Variants in MALRD1 observed in about 807,000 individuals in gnomAD.
MALRD1 encodes MAM and LDL-receptor class A domain-containing protein 1.
MALRD1 carries 247 observed loss-of-function variants against 242.1 expected under a neutral mutation model. That is an observed-to-expected ratio of 1.02 (90% confidence interval 0.92 to 1.13). MALRD1 has a LOEUF of 1.13. MALRD1 is among the 50% of genes most tolerant of loss of function. The pLI, the probability that MALRD1 is intolerant of heterozygous loss-of-function variation, is 0.00. For synonymous variants in MALRD1, 995 were observed against 866.6 expected, an observed-to-expected ratio of 1.15 and a Z score of -2.60; for missense variants, 2,989 against 2,533.1, an observed-to-expected ratio of 1.18 and a Z score of -3.86.
intron 36 of MALRD1, among the ~76,000 whole-genome samples, chr10:19,683,321 G>A (rs925728153): frequency 3.3e-5 from 5 of 152,140 alleles, no homozygotes; most frequent in South Asian, 4.1e-4. Flanking sequence ...TAAGGTCAGC[G>A]GGGAAAAGCC....
intron 9 of MALRD1, among the ~76,000 whole-genome samples, chr10:19,135,249 G>A (rs1374235561): frequency 3.3e-5 from 5 of 152,006 alleles, no homozygotes; most frequent in Non-Finnish European, 7.4e-5. Context: ...CCACCTCCTG[G>A]GCTCAAGCAA....
At chr10:19,671,164 G>A (rs1432509309) in intron 36 of MALRD1, among the ~76,000 whole-genome samples, 3 of 152,102 alleles carry the variant, frequency 2.0e-5, no homozygotes, top group Non-Finnish European at 4.4e-5. Flanking sequence ...ACTGTGGAAT[G>A]TACAATATGA....
chr10:19,643,395 G>A (rs1004256029), intron 36 of MALRD1, among the ~76,000 whole-genome samples: 2 of 152,126 alleles, frequency 1.3e-5, no homozygotes, highest in Admixed American at 6.5e-5. Flanking sequence ...TCAGTGAGCC[G>A]AGACTGTGCC....
chr10:19,059,494 C>T (rs539850216), intron 1 of MALRD1, among the ~76,000 whole-genome samples: 1 of 152,196 alleles, frequency 6.6e-6, no homozygotes, highest in South Asian at 2.1e-4. Flanking sequence ...TCAAGCGATT[C>T]TCCTGCCTCA....
At chr10:19,180,654 G>C (rs72790801) in intron 14 of MALRD1, among the ~76,000 whole-genome samples, 6 of 152,274 alleles carry the variant, frequency 3.9e-5, no homozygotes, top group African/African-American at 7.2e-5. Flanking sequence ...CTTGACATTA[G>C]AGTTGGCAAT....
At chr10:19,244,523 G>A (rs1435251547) in intron 18 of MALRD1, among the ~76,000 whole-genome samples, 9 of 151,800 alleles carry the variant, frequency 5.9e-5, no homozygotes, top group Admixed American at 1.3e-4. Flanking sequence ...CCATGATCAC[G>A]CCCTGCTCTT....
At chr10:19,281,586 G>T (rs569499043) in intron 20 of MALRD1, among the ~76,000 whole-genome samples, 4 of 152,202 alleles carry the variant, frequency 2.6e-5, no homozygotes, top group Non-Finnish European at 4.4e-5. Flanking sequence ...CTGAGATATT[G>T]TCTCTTCCAC....
chr10:19,241,582 C>A (rs10827129), intron 18 of MALRD1, among the ~76,000 whole-genome samples: 1 of 151,642 alleles, frequency 6.6e-6, no homozygotes, highest in Non-Finnish European at 1.5e-5. Context: ...TATTTCCTTC[C>A]TTCTACCAAT....
chr10:19,650,909 C>G (rs1238065474), intron 36 of MALRD1, among the ~76,000 whole-genome samples: 1 of 152,114 alleles, frequency 6.6e-6, no homozygotes, highest in Non-Finnish European at 1.5e-5. Context: ...GCCTGACAGT[C>G]AATCCTGACA....
chr10:19,731,687 G>T (rs1243555803), intron 39 of MALRD1, among the ~76,000 whole-genome samples: 1 of 151,972 alleles, frequency 6.6e-6, no homozygotes, highest in Non-Finnish European at 1.5e-5. Flanking sequence ...CCTTTCTTAA[G>T]TAAGTGTTAT....
intron 36 of MALRD1, among the ~76,000 whole-genome samples, chr10:19,636,513 A>G (rs942661703): frequency 6.6e-6 from 1 of 152,196 alleles, no homozygotes; most frequent in Non-Finnish European, 1.5e-5. Context: ...TCATGAACTT[A>G]AATACACAAA....
chr10:19,607,768 T>G lies in MALRD1; in HGVS notation c.5945-9T>G, dbSNP rs749608397. 6.5e-7 allele frequency: 1 copy of G among 1,544,914 alleles called. No homozygotes were observed. Among genetic ancestry groups the G allele is most frequent in the South Asian group, 1.2e-5 (1 of 82,502 alleles). On this transcript the variant is annotated splice_polypyrimidine_tract_variant and intron_variant, in intron 34 of 39. Transcript: ENST00000454679. ...GGCATCCCTGATCATTATTCTTTTT[T>G]TTTTGCAGCCAACAAAAGCTGTTCT...
chr10:19,719,832 G>C (rs1354993203), intron 38 of MALRD1, among the ~76,000 whole-genome samples: 2 of 150,424 alleles, frequency 1.3e-5, no homozygotes, highest in Non-Finnish European at 2.9e-5. Context: ...TTTTCCTCCA[G>C]ATTGTTTATT....
At chr10:19,586,223 G>A (rs1213126780) in intron 33 of MALRD1, among the ~76,000 whole-genome samples, 1 of 152,152 alleles carries the variant, frequency 6.6e-6, no homozygotes, top group Non-Finnish European at 1.5e-5. Flanking sequence ...TCTTCTCTCA[G>A]CTCGTCAAAG....
intron 25 of MALRD1, 50 bp from the exon 26 acceptor site, chr10:19,351,956 A>C: frequency 7.2e-7 from 1 of 1,387,852 alleles, no homozygotes; most frequent in South Asian, 1.4e-5. Flanking sequence ...ATAATATCAT[A>C]TTAATTATAC....
intron 36 of MALRD1, among the ~76,000 whole-genome samples, chr10:19,650,351 A>G (rs973030881): frequency 5.3e-5 from 8 of 152,228 alleles, no homozygotes; most frequent in South Asian, 2.1e-4. Context: ...GCTGTCTACT[A>G]TAAGAAATGC....
At chr10:19,448,306 C>A (rs1281751697) in intron 28 of MALRD1, among the ~76,000 whole-genome samples, 1 of 152,090 alleles carries the variant, frequency 6.6e-6, no homozygotes, top group Admixed American at 6.6e-5. Context: ...TAAATCTTCT[C>A]TAGTCTACTT....
At chr10:19,122,862 A>G (rs1392622062) in intron 5 of MALRD1, among the ~76,000 whole-genome samples, 2 of 152,094 alleles carry the variant, frequency 1.3e-5, no homozygotes, top group Admixed American at 6.5e-5. Flanking sequence ...AGTAGCTGGG[A>G]TTATGGATGC....
chr10:19,060,445 C>G (rs974234037), intron 1 of MALRD1, among the ~76,000 whole-genome samples: 1 of 152,076 alleles, frequency 6.6e-6, no homozygotes, highest in African/African-American at 2.4e-5. Context: ...TTTTTTCTCT[C>G]TCTGGTCCCT....
Sources: allele counts gnomAD v4.1 joint callset (sites outside exome capture counted in the v4.1 genomes callset), GRCh38; gene constraint gnomAD v4.1.1; transcripts MANE v1.5; gene names NCBI Gene and HGNC (gene_info 2026-07-23, HGNC 2026-07-21).